The following GC variants were observed in gnomAD, a reference collection of about 807,000 sequenced individuals.
GC encodes the protein vitamin D-binding protein.
Under a neutral mutation model 56.7 loss-of-function variants are expected in GC, and 43 were observed. The ratio of observed to expected loss-of-function variants is 0.76; its 90% confidence interval spans 0.59 to 0.98. The LOEUF is 0.98. Ranked by LOEUF, GC falls within the 50% of genes least tolerant of loss-of-function variation. GC has a pLI of 0.00. For missense variants in GC, 529 were observed against 545.9 expected (o/e 0.97, Z 0.31); for synonymous variants, 216 against 202.7 (o/e 1.07, Z -0.56).
chr4:71,764,209 T>C (rs1406204958), intron 4 of GC, among the ~76,000 whole-genome samples: 4 of 152,150 alleles, frequency 2.6e-5, no homozygotes, highest in Non-Finnish European at 5.9e-5. Flanking sequence ...CTTGAACTCC[T>C]GGGCTCAAGT....
chr4:71,757,453 C>G (rs1464339099), intron 7 of GC, among the ~76,000 whole-genome samples: 1 of 151,642 alleles, frequency 6.6e-6, no homozygotes, highest in Non-Finnish European at 1.5e-5. Flanking sequence ...AGCAATTATT[C>G]AAATTTAAAT....
At chr4:71,780,146 T>G (rs1476951041) in intron 1 of GC, among the ~76,000 whole-genome samples, 2 of 151,912 alleles carry the variant, frequency 1.3e-5, no homozygotes, top group Non-Finnish European at 2.9e-5. Context: ...GGATTCCCTA[T>G]TTAATAAATG....
intron 1 of GC, among the ~76,000 whole-genome samples, chr4:71,793,309 CA>C (rs1743015351): frequency 6.6e-6 from 1 of 152,198 alleles, no homozygotes; most frequent in Middle Eastern, 3.4e-3. Flanking sequence ...AATATTCTTC[CA>C]TTTGTTTGTG....
intron 1 of GC, among the ~76,000 whole-genome samples, chr4:71,802,501 T>C (rs1743275752): frequency 6.6e-6 from 1 of 152,192 alleles, no homozygotes; most frequent in African/African-American, 2.4e-5. Context: ...ACAATACAGA[T>C]GCTGCTAGAC....
chr4:71,744,648 C>T (rs1741302592), intron 12 of GC, among the ~76,000 whole-genome samples: 1 of 152,044 alleles, frequency 6.6e-6, no homozygotes, highest in Admixed American at 6.6e-5. Context: ...TAACACAGTC[C>T]AGTGAAAAAC....
chr4:71,765,670 A>C, intron 3 of GC, 27 bp from the exon 4 acceptor site: 77 of 1,360,742 alleles, frequency 5.7e-5, no homozygotes, highest in Non-Finnish European at 7.8e-5. Context: ...AAGGAAACTC[A>C]TATATATATG....
chr4:71,754,726 G>A (rs1199762633), intron 9 of GC, among the ~76,000 whole-genome samples: 1 of 152,232 alleles, frequency 6.6e-6, no homozygotes, highest in African/African-American at 2.4e-5. Context: ...CAGAAACAAT[G>A]AGGATGATTG....
chr4:71,756,570 A>G (rs1486862979), intron 8 of GC, 142 bp downstream of exon 8: 2 of 617,146 alleles, frequency 3.2e-6, no homozygotes, highest in African/African-American at 1.9e-5. Context: ...ACAAATACTT[A>G]AAGTCCATGA....
chr4:71,775,638 C>CA (rs890716270), intron 1 of GC, among the ~76,000 whole-genome samples: 68 of 151,440 alleles, frequency 4.5e-4, no homozygotes, highest in African/African-American at 1.6e-3. Flanking sequence ...GCAACAAAAG[C>CA]AAAAAATAGA....
chr4:71,752,094 A>G (rs775147797), intron 11 of GC, among the ~76,000 whole-genome samples: 29 of 152,100 alleles, frequency 1.9e-4, no homozygotes, highest in Non-Finnish European at 2.9e-4. Context: ...ATGTATCTAC[A>G]TAAACACACA....
intron 1 of GC, among the ~76,000 whole-genome samples, chr4:71,790,300 T>C (rs1398876926): frequency 6.6e-6 from 1 of 152,034 alleles, no homozygotes; most frequent in Non-Finnish European, 1.5e-5. Context: ...AACAACCTAA[T>C]AATATAGCCA....
chr4:71,759,776 T>C (rs1741902514), intron 6 of GC, among the ~76,000 whole-genome samples: 1 of 152,256 alleles, frequency 6.6e-6, no homozygotes, highest in African/African-American at 2.4e-5. Context: ...AAGTTCCTTA[T>C]ATATTCCGAA....
rs759800524 is a variant in GC, at chr4:71,756,865, G to T, written c.881C>A (p.Ser294Tyr). Residue 294 changes from serine (S) to tyrosine (Y), a missense_variant, in exon 8 of 13, where the codon TCT becomes TAT. Transcript: ENST00000273951. The part of the protein sequence containing the change: ...KLCDNLSTKN[S>Y]KFEDCCQEKT... ...TTCTTGACAACAGTCTTCAAACTTAGAATTCTTTGTGGATAAATTGTCACA... is the reference window on the plus strand; with the variant it reads ...TTCTTGACAACAGTCTTCAAACTTATAATTCTTTGTGGATAAATTGTCACA... 1 of 1,613,782 alleles carries T rather than the reference G, an allele frequency of 6.2e-7. No individual in the cohort carries two copies.
chr4:71,743,483 C>T (rs570489506), intron 12 of GC, among the ~76,000 whole-genome samples: 10 of 152,262 alleles, frequency 6.6e-5, no homozygotes, highest in South Asian at 2.1e-4. Context: ...GAAATCATTA[C>T]GTTAAGACCT....
chr4:71,767,703 T>A (rs924680942), intron 3 of GC, among the ~76,000 whole-genome samples: 7 of 151,090 alleles, frequency 4.6e-5, no homozygotes, highest in African/African-American at 1.7e-4. Context: ...ACTATTTTGT[T>A]TTTGGTTACA....
intron 11 of GC, among the ~76,000 whole-genome samples, chr4:71,749,388 C>T (rs1741475670): frequency 6.6e-6 from 1 of 152,170 alleles, no homozygotes; most frequent in South Asian, 2.1e-4. Context: ...TGAATTTGCG[C>T]TTAAAGCTCA....
intron 1 of GC, among the ~76,000 whole-genome samples, chr4:71,802,471 ATT>A (rs1227815418): frequency 1.3e-5 from 2 of 152,180 alleles, no homozygotes; most frequent in African/African-American, 4.8e-5. Flanking sequence ...TTAATAGGGA[ATT>A]TTTAAAAATT....
chr4:71,778,551 A>C (rs1742578138), intron 1 of GC, among the ~76,000 whole-genome samples: 1 of 151,874 alleles, frequency 6.6e-6, no homozygotes, highest in Non-Finnish European at 1.5e-5. Flanking sequence ...TTTGGCCCTT[A>C]TTACCACACA....
chr4:71,754,631 C>T, intron 9 of GC, 123 bp from the exon 10 acceptor site: 1 of 681,006 alleles, frequency 1.5e-6, no homozygotes, highest in East Asian at 2.7e-5. Context: ...CTACAGAAGG[C>T]CGGATAATAA....
Sources: allele counts gnomAD v4.1 joint callset (sites outside exome capture counted in the v4.1 genomes callset), GRCh38; gene constraint gnomAD v4.1.1; transcripts MANE v1.5; gene names NCBI Gene and HGNC (gene_info 2026-07-23, HGNC 2026-07-21).